DTNA: variants seen among roughly 807,000 people sequenced by gnomAD.
DTNA encodes dystrobrevin alpha.
DTNA carries 43 observed loss-of-function variants against 100.7 expected under a neutral mutation model. The ratio of observed to expected loss-of-function variants is 0.43; its 90% confidence interval spans 0.33 to 0.55. The LOEUF is 0.55. Among genes scored for constraint, DTNA ranks in the 20% least tolerant of loss-of-function variants. The pLI, the probability that DTNA is intolerant of heterozygous loss-of-function variation, is 0.04. For synonymous variants in DTNA, 349 were observed against 347.9 expected, an observed-to-expected ratio of 1.00 and a Z score of -0.04; for missense variants, 798 against 953.9, an observed-to-expected ratio of 0.84 and a Z score of 2.15.
rs138557590 is a variant in DTNA, at chr18:34,511,120, A to C, written c.-2+17606A>C. Among the ~76,000 whole-genome samples, 11 of 152,208 alleles carry C rather than the reference A, an allele frequency of 7.2e-5. No individual in the cohort carries two copies. The East Asian group carries it at 1.9e-3, about 27-fold the overall frequency. On this transcript the variant is annotated intron_variant, in intron 1 of 19. Coordinates refer to the DTNA transcript ENST00000283365. ...TATAAATAAGAATTTGCTTAATCAC[A>C]ATTAGAATTGTCATTGTTACTAGGA...
intron 1 of DTNA, among the ~76,000 whole-genome samples, chr18:34,653,642 G>A (rs1005201716): frequency 6.6e-6 from 1 of 152,060 alleles, no homozygotes; most frequent in East Asian, 1.9e-4. Flanking sequence ...GGTCAACGTG[G>A]TGAAACCCCA....
intron 1 of DTNA, among the ~76,000 whole-genome samples, chr18:34,691,583 A>C (rs1600278057): frequency 6.6e-6 from 1 of 152,170 alleles, no homozygotes; most frequent in East Asian, 1.9e-4. Context: ...ATCAGAAGAA[A>C]ATCTGTGTTC....
intron 1 of DTNA, among the ~76,000 whole-genome samples, chr18:34,659,605 C>A (rs969685470): frequency 2.0e-5 from 3 of 150,720 alleles, no homozygotes; most frequent in Non-Finnish European, 1.5e-5. Context: ...TAGATTCTAA[C>A]ACGTACACAT....
intron 3 of DTNA, among the ~76,000 whole-genome samples, chr18:34,789,609 A>G (rs1432218088): frequency 6.6e-6 from 1 of 152,202 alleles, no homozygotes; most frequent in Non-Finnish European, 1.5e-5. Flanking sequence ...AACCACATCT[A>G]TATTGTTTGT....
rs2096955382 is a variant in DTNA, at chr18:34,889,967, TG to T, written c.*2234del. ...GCCACTGGTGCCTCATACTCAGTAT[TG>T]AAAACCACTACATCCCAGCTACCTA... On this transcript the variant is annotated 3_prime_UTR_variant, in exon 23 of 23. Coordinates refer to ENST00000444659, the MANE Select transcript of DTNA (RefSeq NM_001386795.1). The T allele has an allele frequency of 9.0e-7, 1 of 1,114,318 alleles. No homozygotes were observed. The highest frequency in any genetic ancestry group is 4.6e-5 in the Admixed American group (1 of 21,960). The allele number at this position is 1,114,318 out of a possible 1,614,324, so 69.0% of individuals were successfully genotyped here. A position where few individuals can be genotyped will look rare whatever the true frequency, so the allele number is the denominator to read the frequency against.
chr18:34,804,305 A>G (rs2095304952), intron 4 of DTNA, among the ~76,000 whole-genome samples: 1 of 152,204 alleles, frequency 6.6e-6, no homozygotes, highest in African/African-American at 2.4e-5. Context: ...GTGTGCCATG[A>G]GCAAACGTTA....
chr18:34,802,666 C>A (rs2095254346), intron 4 of DTNA, among the ~76,000 whole-genome samples: 1 of 152,192 alleles, frequency 6.6e-6, no homozygotes, highest in South Asian at 2.1e-4. Context: ...AACTAGCCAA[C>A]AGAAGACGCT....
chr18:34,767,964 G>C (rs993852755), intron 3 of DTNA, among the ~76,000 whole-genome samples: 2 of 152,162 alleles, frequency 1.3e-5, no homozygotes, highest in Non-Finnish European at 2.9e-5. Context: ...TACTGTATTT[G>C]TAGTCCTAAT....
chr18:34,872,198 G>C (rs1463021457), intron 17 of DTNA, among the ~76,000 whole-genome samples: 1 of 152,140 alleles, frequency 6.6e-6, no homozygotes, highest in Non-Finnish European at 1.5e-5. Context: ...GGAGAGGTTG[G>C]GTGAGGCATG....
chr18:34,498,442 T>TATAATAATAATAATA (rs58997432), intron 1 of DTNA, among the ~76,000 whole-genome samples: 24 of 141,840 alleles, frequency 1.7e-4, no homozygotes, highest in East Asian at 1.0e-3. Flanking sequence ...CAGAAAATAA[T>TATAATAATAATAATA]ATAATAATAA....
At chr18:34,683,303 A>T (rs547854683) in intron 1 of DTNA, among the ~76,000 whole-genome samples, 3 of 152,318 alleles carry the variant, frequency 2.0e-5, no homozygotes, top group South Asian at 2.1e-4. Context: ...CTTGATAACT[A>T]ATCAATTCAC....
intron 4 of DTNA, among the ~76,000 whole-genome samples, chr18:34,796,394 A>G (rs547644099): frequency 2.8e-4 from 42 of 152,334 alleles, no homozygotes; most frequent in African/African-American, 9.9e-4. Flanking sequence ...GTAAACTCCA[A>G]TTTATCCAAA....
At chr18:34,796,499 T>A (rs911581100) in intron 4 of DTNA, among the ~76,000 whole-genome samples, 2 of 152,198 alleles carry the variant, frequency 1.3e-5, no homozygotes, top group Non-Finnish European at 2.9e-5. Flanking sequence ...TTGGCAGACA[T>A]GAATGATCCT....
At chr18:34,501,450 T>TAGTATC (rs751080538) in intron 1 of DTNA, among the ~76,000 whole-genome samples, 12 of 152,220 alleles carry the variant, frequency 7.9e-5, no homozygotes, top group Non-Finnish European at 1.8e-4. Context: ...TTTTTGGTAT[T>TAGTATC]AGTATCAGGA....
intron 17 of DTNA, chr18:34,868,264 G>T: frequency 4.1e-6 from 1 of 242,146 alleles, no homozygotes; most frequent in Non-Finnish European, 6.6e-6. Flanking sequence ...AGTCTTCACT[G>T]GGAGCTTTAT....
chr18:34,640,441 C>G (rs1206562420), intron 1 of DTNA, among the ~76,000 whole-genome samples: 2 of 152,218 alleles, frequency 1.3e-5, no homozygotes, highest in Non-Finnish European at 2.9e-5. Flanking sequence ...CCTTCCTACC[C>G]TCTTTCTCTA....
At chr18:34,838,308 G>A (rs1195319429) in intron 12 of DTNA, 137 bp downstream of exon 12, 3 of 842,474 alleles carry the variant, frequency 3.6e-6, no homozygotes, top group Non-Finnish European at 5.8e-6. Flanking sequence ...CCAGTTAACA[G>A]CACTAAGTAG....
intron 1 of DTNA, among the ~76,000 whole-genome samples, chr18:34,555,105 A>G (rs1201426023): frequency 2.4e-4 from 32 of 131,680 alleles, no homozygotes; most frequent in Admixed American, 2.2e-3. Context: ...TAGTCTTGGG[A>G]GAGTGTATGT....
At chr18:34,737,944 T>C (rs988221569) in intron 1 of DTNA, 2 of 152,032 alleles carry the variant, frequency 1.3e-5, no homozygotes, top group African/African-American at 4.8e-5. Context: ...TTGCAAAAAC[T>C]GTTAGACAAT....
Sources: gnomAD v4.1 joint callset for allele counts (sites outside exome capture counted in the v4.1 genomes callset) on GRCh38, gnomAD v4.1.1 for gene constraint, MANE v1.5 for transcripts, NCBI Gene and HGNC (gene_info 2026-07-23, HGNC 2026-07-21) for gene names.